TMEM163: variants seen among roughly 807,000 people sequenced by gnomAD.
TMEM163 encodes transmembrane protein 163.
In TMEM163, 17 loss-of-function variants were observed where a neutral mutation model predicts 29.3. The ratio of observed to expected loss-of-function variants is 0.58; its 90% confidence interval spans 0.40 to 0.87. The LOEUF is 0.87. TMEM163 is among the 40% of genes least tolerant of loss of function. The pLI, the probability that TMEM163 is intolerant of heterozygous loss-of-function variation, is 0.00. For synonymous variants in TMEM163, 157 were observed against 160.6 expected (o/e 0.98, Z 0.17); for missense variants, 303 against 381.5 (o/e 0.79, Z 1.71).
At chr2:134,639,646 A>G (rs1683184858) in intron 2 of TMEM163, among the ~76,000 whole-genome samples, 1 of 152,234 alleles carries the variant, frequency 6.6e-6, no homozygotes, top group African/African-American at 2.4e-5. Flanking sequence ...CCTTTTGTCT[A>G]GTTATAGCAA....
chr2:134,695,778 T>C (rs1025007444), intron 2 of TMEM163, among the ~76,000 whole-genome samples: 1 of 152,160 alleles, frequency 6.6e-6, no homozygotes, highest in African/African-American at 2.4e-5. Flanking sequence ...TTAAAAGTTT[T>C]GGTTGGGCAT....
chr2:134,571,528 A>G (rs1018095342), intron 2 of TMEM163, among the ~76,000 whole-genome samples: 4 of 152,212 alleles, frequency 2.6e-5, no homozygotes, highest in African/African-American at 9.6e-5. Context: ...GCTTTAGAGT[A>G]CCTATATTAG....
chr2:134,470,602 C>T lies in TMEM163; in HGVS notation c.556-4377G>A, dbSNP rs756425591. Among the ~76,000 whole-genome samples the T allele has an allele frequency of 1.9e-4, 29 of 152,276 alleles. 1 individual carries two copies. Among genetic ancestry groups the T allele is most frequent in the South Asian group, 4.1e-4 (2 of 4,824 alleles). Reference sequence around the variant, plus strand: ...AGTCTGGGGCCATCTCTGAGTGTCACGCAAAGCTGCAGGCTGCAGCTCACC... The same window carrying T: ...AGTCTGGGGCCATCTCTGAGTGTCATGCAAAGCTGCAGGCTGCAGCTCACC... On this transcript the variant is annotated intron_variant, in intron 5 of 7. Coordinates refer to ENST00000281924, the MANE Select transcript of TMEM163 (RefSeq NM_030923.5).
At chr2:134,567,143 T>C (rs1051396683) in intron 2 of TMEM163, among the ~76,000 whole-genome samples, 44 of 152,308 alleles carry the variant, frequency 2.9e-4, no homozygotes, top group African/African-American at 9.9e-4. Flanking sequence ...ATGTATAATA[T>C]CTGCACGTAT....
At chr2:134,486,248 C>A (rs1226004378) in intron 5 of TMEM163, among the ~76,000 whole-genome samples, 1 of 152,072 alleles carries the variant, frequency 6.6e-6, no homozygotes, top group Non-Finnish European at 1.5e-5. Context: ...CTGCTAAAAC[C>A]AAAAAGATAA....
chr2:134,665,293 C>A (rs1039002840), intron 2 of TMEM163, among the ~76,000 whole-genome samples: 1 of 152,106 alleles, frequency 6.6e-6, no homozygotes, highest in Admixed American at 6.6e-5. Context: ...GGCAGAAGGT[C>A]AAGGAGGAGC....
At chr2:134,552,397 G>A (rs1680950586) in intron 2 of TMEM163, among the ~76,000 whole-genome samples, 1 of 152,078 alleles carries the variant, frequency 6.6e-6, no homozygotes, top group Non-Finnish European at 1.5e-5. Context: ...TTTAGCAACT[G>A]GGAACTATAT....
intron 4 of TMEM163, among the ~76,000 whole-genome samples, chr2:134,529,417 G>A (rs1680369623): frequency 6.6e-6 from 1 of 152,024 alleles, no homozygotes; most frequent in Non-Finnish European, 1.5e-5. Context: ...ACCATTCTCT[G>A]GGTGGTAGGA....
intron 5 of TMEM163, among the ~76,000 whole-genome samples, chr2:134,495,149 G>A (rs1413313236): frequency 1.3e-5 from 2 of 152,236 alleles, no homozygotes; most frequent in African/African-American, 4.8e-5. Context: ...GCGCTTTCAC[G>A]AGTGGCAAAG....
At chr2:134,567,647 C>T (rs1389031468) in intron 2 of TMEM163, among the ~76,000 whole-genome samples, 1 of 152,170 alleles carries the variant, frequency 6.6e-6, no homozygotes, top group Non-Finnish European at 1.5e-5. Flanking sequence ...GCCTAGATCA[C>T]ACCATTGCAC....
chr2:134,600,663 A>T (rs1682206298), intron 2 of TMEM163, among the ~76,000 whole-genome samples: 1 of 152,208 alleles, frequency 6.6e-6, no homozygotes, highest in Non-Finnish European at 1.5e-5. Flanking sequence ...GGCATCAAAA[A>T]GCACCTGTGA....
chr2:134,602,394 G>A (rs1682255403), intron 2 of TMEM163, among the ~76,000 whole-genome samples: 1 of 152,180 alleles, frequency 6.6e-6, no homozygotes, highest in African/African-American at 2.4e-5. Context: ...TCATCTTTAA[G>A]ATGGTGGCAT....
At position 134,532,148 on chromosome 2, in the gene TMEM163, T is replaced by C. The variant is rs536029252; in HGVS notation, c.458+18422A>G. On this transcript the variant is annotated intron_variant, in intron 4 of 7. Coordinates refer to ENST00000281924, the MANE Select transcript of TMEM163 (RefSeq NM_030923.5). ...AGCACGAGACCATAATCTTGTATCC[T>C]TGACAAGCCAGAAGTGAAAAGTCTA... is the stretch of plus-strand genomic sequence containing the variant. 8.1e-4 allele frequency among the ~76,000 whole-genome samples: 123 copies of C among 152,372 alleles called. No homozygotes were observed. In the South Asian group the frequency reaches 0.011, roughly 14 times the overall value.
At chr2:134,697,452 G>T (rs1684606901) in intron 2 of TMEM163, among the ~76,000 whole-genome samples, 2 of 148,986 alleles carry the variant, frequency 1.3e-5, no homozygotes, top group South Asian at 4.2e-4. Context: ...GATACTATAG[G>T]TTTCTTCTCA....
intron 4 of TMEM163, among the ~76,000 whole-genome samples, chr2:134,517,150 G>C (rs1680089246): frequency 6.9e-6 from 1 of 144,454 alleles, no homozygotes; most frequent in Non-Finnish European, 1.5e-5. Flanking sequence ...TGTGCCCTTT[G>C]GGAAGCTGAT....
At chr2:134,645,724 A>G (rs1291004180) in intron 2 of TMEM163, among the ~76,000 whole-genome samples, 1 of 152,246 alleles carries the variant, frequency 6.6e-6, no homozygotes, top group African/African-American at 2.4e-5. Flanking sequence ...TCAAAAGGTT[A>G]TATACTATAC....
At chr2:134,547,989 A>G (rs551761419) in intron 4 of TMEM163, among the ~76,000 whole-genome samples, 18 of 152,318 alleles carry the variant, frequency 1.2e-4, no homozygotes, top group African/African-American at 3.4e-4. Context: ...CATGTACGAA[A>G]CTCATTTCAG....
chr2:134,547,812 T>C (rs1680825220), intron 4 of TMEM163, among the ~76,000 whole-genome samples: 1 of 152,224 alleles, frequency 6.6e-6, no homozygotes, highest in Non-Finnish European at 1.5e-5. Context: ...GACAATGATA[T>C]ATACTTTTAA....
At chr2:134,536,064 C>T (rs948392652) in intron 4 of TMEM163, among the ~76,000 whole-genome samples, 15 of 152,174 alleles carry the variant, frequency 9.9e-5, no homozygotes, top group South Asian at 8.3e-4. Flanking sequence ...TATATTTAGA[C>T]GGAGGGCGCA....
Sources: gnomAD v4.1 joint callset for allele counts (sites outside exome capture counted in the v4.1 genomes callset) on GRCh38, gnomAD v4.1.1 for gene constraint, MANE v1.5 for transcripts, NCBI Gene and HGNC (gene_info 2026-07-23, HGNC 2026-07-21) for gene names.